Variants in PCDHGA12 observed in about 807,000 individuals in gnomAD.
PCDHGA12 encodes the protein protocadherin gamma subfamily A, 12, also known as protocadherin gamma-A12.
Under a neutral mutation model 61.1 loss-of-function variants are expected in PCDHGA12, and 43 were observed. The ratio of observed to expected loss-of-function variants is 0.70; its 90% CI spans 0.55 to 0.91. The LOEUF is 0.91. Ranked by LOEUF, PCDHGA12 falls within the 40% of genes least tolerant of loss-of-function variation. PCDHGA12 has a pLI of 0.00. For synonymous variants in PCDHGA12, 520 were observed against 542.9 expected, an observed-to-expected ratio of 0.96 and a Z score of 0.59; for missense variants, 1,236 against 1,227.7, an observed-to-expected ratio of 1.01 and a Z score of -0.10.
At chr5:141,473,808 C>G (rs1562041705) in intron 1 of PCDHGA12, among the ~76,000 whole-genome samples, 1 of 152,198 alleles carries the variant, frequency 6.6e-6, no homozygotes, top group Non-Finnish European at 1.5e-5. Flanking sequence ...TACTGAGGAG[C>G]AGCTGGACAA....
rs774271747 is a variant in PCDHGA12 at position 141,485,866 on chromosome 5, C to A, written c.2425-8941C>A. On this transcript the variant is annotated intron_variant, in intron 1 of 3. Coordinates refer to ENST00000252085, the MANE Select transcript of PCDHGA12 (RefSeq NM_003735.3). The surrounding 1 kb of genome is among the most constrained non-coding windows in gnomAD (Gnocchi z 5.7). Reference sequence around the variant, plus strand: ...CTGGCACCGCAGAGCTCCGGGTATCCGTGCTGGACGTAAACGACAACGCCC... The same window carrying A: ...CTGGCACCGCAGAGCTCCGGGTATCAGTGCTGGACGTAAACGACAACGCCC... 2 of 1,614,144 alleles carry A rather than the reference C, an allele frequency of 1.2e-6. No homozygotes were observed. Among genetic ancestry groups the A allele is most frequent in the South Asian group, 1.1e-5 (1 of 91,074 alleles).
rs1187459113 is a variant in PCDHGA12 at position 141,487,187 on chromosome 5, G to A, written c.2425-7620G>A. On this transcript the variant is annotated intron_variant, in intron 1 of 3. Coordinates refer to ENST00000252085, the MANE Select transcript of PCDHGA12 (RefSeq NM_003735.3). This position sits in a 1 kb window ranked among gnomAD's most constrained non-coding sequence, Gnocchi z 5.0. The stretch of plus-strand genomic sequence containing the variant: ...GTCCTTAGAGGAAGACACTCATCCA[G>A]TTGTCCCAGATCTTCGAGAATCTTC... 1.2e-6 allele frequency: 2 copies of A among 1,613,826 alleles called. No homozygotes were observed. Among genetic ancestry groups the A allele is most frequent in the Admixed American group, 3.3e-5 (2 of 60,024 alleles).
Position 141,491,793 on chromosome 5 carries a change from C to A in PCDHGA12, c.2425-3014C>A. 6.6e-7 allele frequency: 1 copy of A among 1,511,410 alleles called. No homozygotes were observed. The highest frequency in any genetic ancestry group is 1.3e-5 in the South Asian group (1 of 77,572). The allele number at this position is 1,511,410 out of a possible 1,614,324, so 93.6% of individuals were successfully genotyped here. On this transcript the variant is annotated intron_variant, in intron 1 of 3. Coordinates refer to ENST00000252085, the MANE Select transcript of PCDHGA12 (RefSeq NM_003735.3). This position sits in a 1 kb window ranked among gnomAD's most constrained non-coding sequence, Gnocchi z 6.9. ...AGGGATTGAACTTGCATCCACTCCT[C>A]TCCGGCCGGCTTGGTCGCTGGCTGC...
In PCDHGA12 at chr5:141,433,018, T is replaced by C; in HGVS notation, c.2259T>C (p.Tyr753=). The C allele has an allele frequency of 6.2e-7, 1 of 1,614,120 alleles. No homozygotes were observed. The stretch of plus-strand genomic sequence containing the variant: ...GGGTGCAGGCTTTCCTGCAGACCTA[T>C]TCCCACGAGGTTTCCCTCACCACGG... ...VDGVQAFLQT[Y]SHEVSLTTDS... The change falls in exon 1 of 4, where the codon TAT becomes TAC. Residue 753 remains tyrosine (Y), a synonymous_variant. Coordinates refer to ENST00000252085, the MANE Select transcript of PCDHGA12 (RefSeq NM_003735.3).
chr5:141,504,546 G>A (rs911626023), intron 2 of PCDHGA12, among the ~76,000 whole-genome samples: 5 of 151,802 alleles, frequency 3.3e-5, no homozygotes, highest in African/African-American at 1.2e-4. Flanking sequence ...CATGGCAAAT[G>A]TTGGGGGACT....
In PCDHGA12 at chr5:141,487,579, A is replaced by G. The variant is rs779441421; in HGVS notation, c.2425-7228A>G. 60 of 1,614,022 alleles carry G rather than the reference A, an allele frequency of 3.7e-5. No homozygotes were observed. The South Asian group carries it at 6.0e-4, about 16-fold the overall frequency. The stretch of plus-strand genomic sequence containing the variant: ...CTATGGCAGGGGAGCCTGTTCGCCC[A>G]AGCTGCCCACCCTCTGATCTTCTCT... On this transcript the variant is annotated intron_variant, in intron 1 of 3. Transcript: ENST00000252085. This position sits in a 1 kb window ranked among gnomAD's most constrained non-coding sequence, Gnocchi z 5.0.
chr5:141,493,979 C>T lies in PCDHGA12; in HGVS notation c.2425-828C>T, dbSNP rs1273325447. ...GAAGTGGCTGGCCAGAGCCCCACAC[C>T]TTCAGCTAGGTGGGAGATGGCTACA... is the stretch of plus-strand genomic sequence containing the variant. On this transcript the variant is annotated intron_variant, in intron 1 of 3. Coordinates refer to ENST00000252085, the MANE Select transcript of PCDHGA12 (RefSeq NM_003735.3). The surrounding 1 kb of genome is among the most constrained non-coding windows in gnomAD (Gnocchi z 4.3). Among the ~76,000 whole-genome samples, 1 of 152,182 alleles carries T rather than the reference C, an allele frequency of 6.6e-6. No individual in the cohort carries two copies. Among genetic ancestry groups the T allele is most frequent in the Non-Finnish European group, 1.5e-5 (1 of 68,032 alleles).
At chr5:141,480,702 C>T (rs1455955207) in intron 1 of PCDHGA12, among the ~76,000 whole-genome samples, 1 of 152,170 alleles carries the variant, frequency 6.6e-6, no homozygotes, top group African/African-American at 2.4e-5. Context: ...AGGCCACACC[C>T]CGACAAATGA....
At position 141,431,141 on chromosome 5, in the gene PCDHGA12, G is replaced by C. The variant is rs1262504427; in HGVS notation, c.382G>C (p.Asp128His). 1 of 1,614,094 alleles carries C rather than the reference G, an allele frequency of 6.2e-7. No individual in the cohort carries two copies. The highest frequency in any genetic ancestry group is 2.2e-5 in the East Asian group (1 of 44,896). The change falls in exon 1 of 4, where the codon GAC becomes CAC. Residue 128 changes from aspartate (D) to histidine (H), a missense_variant. Coordinates refer to ENST00000252085, the MANE Select transcript of PCDHGA12 (RefSeq NM_003735.3). The surrounding 1 kb of genome is among the most constrained non-coding windows in gnomAD (Gnocchi z 4.8). ...GVEVEVRDINDNAPYFRESEL... is the reference protein window; with the variant it reads ...GVEVEVRDINHNAPYFRESEL... The stretch of plus-strand genomic sequence containing the variant: ...AGAAGTAGAAGTAAGGGACATTAAC[G>C]ACAATGCGCCTTACTTTCGTGAAAG...
At chr5:141,457,560 G>A (rs1466753974) in intron 1 of PCDHGA12, among the ~76,000 whole-genome samples, 1 of 152,162 alleles carries the variant, frequency 6.6e-6, no homozygotes, top group African/African-American at 2.4e-5. Flanking sequence ...ATAAGCTTTG[G>A]AGCAAAATTT....
intron 2 of PCDHGA12, among the ~76,000 whole-genome samples, chr5:141,496,104 G>A (rs950960102): frequency 6.8e-6 from 1 of 146,980 alleles, no homozygotes; most frequent in African/African-American, 2.5e-5. Context: ...CCAACACCCC[G>A]CTCTCTTCCT....
chr5:141,432,053 C>T lies in PCDHGA12; in HGVS notation c.1294C>T (p.Leu432=). The T allele has an allele frequency of 6.2e-7, 1 of 1,614,240 alleles. No homozygotes were observed. Among genetic ancestry groups the T allele is most frequent in the South Asian group, 1.1e-5 (1 of 91,082 alleles). ...VTATDRGTPP[L]STETHISLNV... ...CGCCACTGACCGGGGAACCCCGCCC[C>T]TATCCACGGAAACTCATATCTCGCT... The change falls in exon 1 of 4, where the codon CTA becomes TTA. Residue 432 remains leucine, a synonymous_variant. Transcript: ENST00000252085. The surrounding 1 kb of genome is among the most constrained non-coding windows in gnomAD (Gnocchi z 6.0).
chr5:141,476,046 C>T lies in PCDHGA12; in HGVS notation c.2425-18761C>T. 6.7e-7 allele frequency: 1 copy of T among 1,491,396 alleles called. No individual in the cohort carries two copies. Among genetic ancestry groups the T allele is most frequent in the Non-Finnish European group, 8.9e-7 (1 of 1,122,928 alleles). 92.4% of individuals were successfully genotyped at this position (1,491,396 alleles called of 1,614,324 possible). On this transcript the variant is annotated intron_variant, in intron 1 of 3. Coordinates refer to ENST00000252085, the MANE Select transcript of PCDHGA12 (RefSeq NM_003735.3). This position sits in a 1 kb window ranked among gnomAD's most constrained non-coding sequence, Gnocchi z 7.6. ...CGGCGCCCAGCGCCCAAGCGCTAAC[C>T]CGCTGAAAGTTTCTCAGCGAAATCT...
In PCDHGA12 at chr5:141,430,592, C is replaced by G; in HGVS notation, c.-168C>G. The G allele has an allele frequency of 9.2e-6, 5 of 544,570 alleles. No individual in the cohort carries two copies. In the South Asian group the frequency reaches 3.1e-4, roughly 34 times the overall value. The allele number at this position is 544,570 out of a possible 1,614,324, so 33.7% of individuals were successfully genotyped here. ...AAGCGGAGATCCTGCTCGCCTTGCACGCGCCTGAAGCACAAAGCAGATAGC... is the reference window on the plus strand; with the variant it reads ...AAGCGGAGATCCTGCTCGCCTTGCAGGCGCCTGAAGCACAAAGCAGATAGC... On this transcript the variant is annotated 5_prime_UTR_variant, in exon 1 of 4. Coordinates refer to ENST00000252085, the MANE Select transcript of PCDHGA12 (RefSeq NM_003735.3).
chr5:141,509,684 C>G (rs572295300), intron 3 of PCDHGA12, among the ~76,000 whole-genome samples: 139 of 152,310 alleles, frequency 9.1e-4, no homozygotes, highest in Admixed American at 3.7e-3. Flanking sequence ...TTCTTCTGTA[C>G]AGTGGGACGT....
rs556484142 is a variant in PCDHGA12 at position 141,503,243 on chromosome 5, CA to C, written c.2484-2149del. On this transcript the variant is annotated intron_variant, in intron 2 of 3. Coordinates refer to ENST00000252085, the MANE Select transcript of PCDHGA12 (RefSeq NM_003735.3). ...CACCGTAAAGATGGACAGTTTCTAT[CA>C]TACTCACAGCCACAACCCCAGCACC... Among the ~76,000 whole-genome samples, 232 of 152,196 alleles carry C rather than the reference CA, an allele frequency of 1.5e-3. 2 individuals carry two copies. Among genetic ancestry groups the C allele is most frequent in the African/African-American group, 5.3e-3 (219 of 41,516 alleles).
At position 141,486,804 on chromosome 5, in the gene PCDHGA12, C is replaced by G. The variant is rs755001457; in HGVS notation, c.2425-8003C>G. On this transcript the variant is annotated intron_variant, in intron 1 of 3. Transcript: ENST00000252085. This position sits in a 1 kb window ranked among gnomAD's most constrained non-coding sequence, Gnocchi z 5.0. ...CAGGCCCGGGATCGGGGCAACCCAC[C>G]CCTTAGCAGCACTGTAACAGTTCGT... 2 of 1,614,232 alleles carry G rather than the reference C, an allele frequency of 1.2e-6. No homozygotes were observed. The highest frequency in any genetic ancestry group is 3.3e-5 in the Admixed American group (2 of 60,032).
intron 2 of PCDHGA12, among the ~76,000 whole-genome samples, chr5:141,501,109 C>G (rs909874167): frequency 2.0e-5 from 3 of 152,106 alleles, no homozygotes; most frequent in Non-Finnish European, 4.4e-5. Context: ...CCTCGTGATC[C>G]GCCTGCCTCA....
At chr5:141,450,355 C>T (rs943649682) in intron 1 of PCDHGA12, among the ~76,000 whole-genome samples, 2 of 152,090 alleles carry the variant, frequency 1.3e-5, no homozygotes, top group Non-Finnish European at 2.9e-5. Context: ...TGAAACAGTT[C>T]CTCAGCCTTG....
Sources: allele counts gnomAD v4.1 joint callset (sites outside exome capture counted in the v4.1 genomes callset), GRCh38; gene constraint gnomAD v4.1.1; non-coding constraint Gnocchi (gnomAD v3.1); transcripts MANE v1.5; gene names NCBI Gene and HGNC (gene_info 2026-07-23, HGNC 2026-07-21).